CDH12: variants seen among roughly 807,000 people sequenced by gnomAD.
CDH12 encodes cadherin 12.
In CDH12, 41 loss-of-function variants were observed where a neutral mutation model predicts 74.1. That is an observed-to-expected ratio of 0.55 (90% CI 0.43 to 0.72). The LOEUF (loss-of-function observed/expected upper bound fraction) is 0.72. Among genes scored for constraint, CDH12 ranks in the 30% least tolerant of loss-of-function variants. The pLI is 0.00. For synonymous variants in CDH12, 399 were observed against 355.0 expected, an observed-to-expected ratio of 1.12 and a Z score of -1.39; for missense variants, 945 against 977.2, an observed-to-expected ratio of 0.97 and a Z score of 0.44.
At chr5:22,356,735 C>T (rs1164310778) in intron 3 of CDH12, among the ~76,000 whole-genome samples, 2 of 151,988 alleles carry the variant, frequency 1.3e-5, no homozygotes, top group Non-Finnish European at 2.9e-5. Flanking sequence ...TCTTCAATAC[C>T]AATTTCAATC....
intron 1 of CDH12, among the ~76,000 whole-genome samples, chr5:22,688,096 G>A (rs1017721908): frequency 6.6e-6 from 1 of 151,982 alleles, no homozygotes; most frequent in Non-Finnish European, 1.5e-5. Flanking sequence ...TGACTGACAG[G>A]ACTCTTTTCC....
chr5:22,750,315 G>T (rs1406667800), intron 1 of CDH12, among the ~76,000 whole-genome samples: 1 of 152,054 alleles, frequency 6.6e-6, no homozygotes, highest in East Asian at 1.9e-4. Context: ...AGAAAATTGG[G>T]CTTATAACTA....
chr5:21,830,024 C>A (rs1004941646), intron 8 of CDH12, among the ~76,000 whole-genome samples: 2 of 151,524 alleles, frequency 1.3e-5, no homozygotes, highest in African/African-American at 4.9e-5. Flanking sequence ...CATGGTGAAA[C>A]CCCATCTCTA....
intron 6 of CDH12, among the ~76,000 whole-genome samples, chr5:21,907,933 C>T (rs535008324): frequency 6.6e-6 from 1 of 152,266 alleles, no homozygotes; most frequent in African/African-American, 2.4e-5. Flanking sequence ...TTTATACATG[C>T]CTTCAGCTCA....
intron 1 of CDH12, among the ~76,000 whole-genome samples, chr5:22,569,735 C>A (rs1472601170): frequency 6.6e-6 from 1 of 152,110 alleles, no homozygotes; most frequent in Non-Finnish European, 1.5e-5. Flanking sequence ...CAATTTAGTC[C>A]AATCTTCAGG....
intron 6 of CDH12, among the ~76,000 whole-genome samples, chr5:21,885,059 G>C (rs1365144936): frequency 6.6e-6 from 1 of 151,964 alleles, no homozygotes; most frequent in Non-Finnish European, 1.5e-5. Flanking sequence ...GCTATTTTTT[G>C]TGTTTTTAGT....
chr5:22,670,506 T>C (rs1238799394), intron 1 of CDH12, among the ~76,000 whole-genome samples: 1 of 152,124 alleles, frequency 6.6e-6, no homozygotes, highest in East Asian at 1.9e-4. Flanking sequence ...TATATTTCTA[T>C]ATATTATAAT....
At chr5:22,226,409 G>A (rs1752197349) in intron 3 of CDH12, among the ~76,000 whole-genome samples, 2 of 151,954 alleles carry the variant, frequency 1.3e-5, no homozygotes, top group Non-Finnish European at 2.9e-5. Flanking sequence ...TGAAACAAGA[G>A]GGGATGCCAC....
chr5:22,425,516 A>G (rs1028288075), intron 2 of CDH12, among the ~76,000 whole-genome samples: 2 of 152,012 alleles, frequency 1.3e-5, no homozygotes, highest in Non-Finnish European at 2.9e-5. Flanking sequence ...AACATAAATT[A>G]CACTTATAAT....
intron 3 of CDH12, among the ~76,000 whole-genome samples, chr5:22,218,293 C>T (rs1751894656): frequency 6.6e-6 from 1 of 151,522 alleles, no homozygotes; most frequent in South Asian, 2.1e-4. Context: ...CAACTAGACA[C>T]AAATGACTGA....
At chr5:22,198,555 A>G (rs963709951) in intron 4 of CDH12, among the ~76,000 whole-genome samples, 4 of 152,052 alleles carry the variant, frequency 2.6e-5, no homozygotes, top group African/African-American at 9.7e-5. Flanking sequence ...AATTTGCTCT[A>G]TTTGTATAAG....
rs376626641 is a variant in CDH12 at position 22,220,640 on chromosome 5, CT to C, written c.-332-7998del. ...TAATTTATCTCTTCTAATTCCAATGCTTTTCTGCTTTGTATATATGTTTATA... is the reference window on the plus strand; with the variant it reads ...TAATTTATCTCTTCTAATTCCAATGCTTTCTGCTTTGTATATATGTTTATA... On this transcript the variant is annotated intron_variant, in intron 3 of 14. Coordinates refer to ENST00000382254, the MANE Select transcript of CDH12 (RefSeq NM_004061.5). 4.2e-3 allele frequency among the ~76,000 whole-genome samples: 636 copies of C among 151,278 alleles called. 6 individuals are homozygous for C. The highest frequency in any genetic ancestry group is 0.015 in the African/African-American group (616 of 41,346).
At chr5:22,234,694 ATATT>A (rs1375846975) in intron 3 of CDH12, among the ~76,000 whole-genome samples, 3 of 151,544 alleles carry the variant, frequency 2.0e-5, no homozygotes, top group Admixed American at 6.6e-5. Context: ...GTGCATATAT[ATATT>A]TATGTATGTA....
chr5:22,564,146 T>A lies in CDH12; in HGVS notation c.-522-58782A>T, dbSNP rs373444355. Among the ~76,000 whole-genome samples, 45 of 152,354 alleles carry A rather than the reference T, an allele frequency of 3.0e-4. No homozygotes were observed. The East Asian group carries it at 3.1e-3, about 10-fold the overall frequency. On this transcript the variant is annotated intron_variant, in intron 1 of 14. Transcript: ENST00000382254. ...ATCAATTTTCTGATCATTTTGCTGCTGATCATTTTTCATTATTGTCTTATA... is the reference window on the plus strand; with the variant it reads ...ATCAATTTTCTGATCATTTTGCTGCAGATCATTTTTCATTATTGTCTTATA...
intron 2 of CDH12, among the ~76,000 whole-genome samples, chr5:22,429,436 G>C (rs1295168263): frequency 6.6e-6 from 1 of 152,006 alleles, no homozygotes; most frequent in African/African-American, 2.4e-5. Flanking sequence ...ACTGTGCCTG[G>C]CTATCTCAAC....
intron 3 of CDH12, among the ~76,000 whole-genome samples, chr5:22,226,375 G>A (rs1027830717): frequency 6.6e-6 from 1 of 151,780 alleles, no homozygotes; most frequent in African/African-American, 2.4e-5. Context: ...CTCTAGTTGG[G>A]GGCAGATGAG....
At chr5:22,557,223 A>G (rs961097598) in intron 1 of CDH12, among the ~76,000 whole-genome samples, 1 of 152,134 alleles carries the variant, frequency 6.6e-6, no homozygotes, top group African/African-American at 2.4e-5. Flanking sequence ...ATTCTAAGGG[A>G]AAAGGGCTAA....
intron 1 of CDH12, among the ~76,000 whole-genome samples, chr5:22,518,597 A>G (rs527374578): frequency 6.6e-6 from 1 of 152,324 alleles, no homozygotes; most frequent in Non-Finnish European, 1.5e-5. Flanking sequence ...TATGACATAA[A>G]TGTTGAAAGA....
At chr5:22,605,331 T>C (rs1255689272) in intron 1 of CDH12, among the ~76,000 whole-genome samples, 2 of 152,174 alleles carry the variant, frequency 1.3e-5, no homozygotes, top group African/African-American at 4.8e-5. Flanking sequence ...TAGTTCTACT[T>C]CTCTGGAGGA....
Sources: allele counts gnomAD v4.1 joint callset (sites outside exome capture counted in the v4.1 genomes callset), GRCh38; gene constraint gnomAD v4.1.1; transcripts MANE v1.5; gene names NCBI Gene and HGNC (gene_info 2026-07-23, HGNC 2026-07-21).